Variants in TM2D1 observed in about 807,000 individuals in gnomAD.
The protein encoded by TM2D1 is TM2 domain-containing protein 1.
Under a neutral mutation model 28.4 loss-of-function variants are expected in TM2D1, and 15 were observed. The ratio of observed to expected loss-of-function variants is 0.53; its 90% CI spans 0.35 to 0.81. TM2D1 has a LOEUF of 0.81. Among genes scored for constraint, TM2D1 ranks in the 40% least tolerant of loss-of-function variants. TM2D1 has a pLI of 0.01. For synonymous variants in TM2D1, 93 were observed against 96.2 expected, an observed-to-expected ratio of 0.97 and a Z score of 0.20; for missense variants, 236 against 254.9, an observed-to-expected ratio of 0.93 and a Z score of 0.50.
intron 5 of TM2D1, chr1:61,686,887 C>T (rs962096893): frequency 1.2e-5 from 11 of 945,260 alleles, no homozygotes; most frequent in Non-Finnish European, 1.3e-5. Context: ...CACGCCACTG[C>T]ACTCCAGCCT....
intron 4 of TM2D1, chr1:61,699,616 T>C (rs1198844599): frequency 6.6e-6 from 1 of 152,320 alleles, no homozygotes; most frequent in African/African-American, 2.4e-5. Context: ...CTTTTCATCC[T>C]TCAAACCCTA....
chr1:61,691,932 A>AAATAT, intron 5 of TM2D1, among the ~76,000 whole-genome samples: 22 of 76,406 alleles, frequency 2.9e-4, no homozygotes, highest in African/African-American at 6.1e-4. Flanking sequence ...AAAAAAAAAA[A>AAATAT]ATATATATAT....
At chr1:61,687,339 T>C (rs1644291623) in intron 5 of TM2D1, among the ~76,000 whole-genome samples, 1 of 152,242 alleles carries the variant, frequency 6.6e-6, no homozygotes, top group African/African-American at 2.4e-5. Context: ...GTGACAGTTG[T>C]AAAATATTCT....
At chr1:61,714,569 T>A (rs776210225) in intron 2 of TM2D1, among the ~76,000 whole-genome samples, 2 of 152,112 alleles carry the variant, frequency 1.3e-5, no homozygotes, top group Non-Finnish European at 2.9e-5. Flanking sequence ...TTTCTTTCGC[T>A]TTATTTTTGT....
intron 3 of TM2D1, among the ~76,000 whole-genome samples, chr1:61,708,257 C>A (rs1466848615): frequency 6.6e-6 from 1 of 152,086 alleles, no homozygotes; most frequent in African/African-American, 2.4e-5. Context: ...CTACTTTGCC[C>A]AGGTTGGTCC....
At chr1:61,701,556 C>CGTGTGTGTGTGTGTGTGTGT (rs60257971) in intron 3 of TM2D1, among the ~76,000 whole-genome samples, 3 of 145,842 alleles carry the variant, frequency 2.1e-5, no homozygotes, top group African/African-American at 7.6e-5. Context: ...AATTCTCTTT[C>CGTGTGTGTGTGTGTGTGTGT]GTGTGTGTGT....
At chr1:61,683,664 C>T (rs925598642) in intron 5 of TM2D1, 118 bp from the exon 6 acceptor site, 1 of 554,186 alleles carries the variant, frequency 1.8e-6, no homozygotes, top group Admixed American at 4.2e-5. Flanking sequence ...CCAGCTCTAA[C>T]CTAAGCAAAA....
intron 1 of TM2D1, 91 bp downstream of exon 1, chr1:61,724,866 G>GTACA (rs779905497): frequency 5.9e-6 from 8 of 1,367,268 alleles, no homozygotes; most frequent in African/African-American, 1.5e-5. Flanking sequence ...TTTTCACTCA[G>GTACA]TACAGCCCTA....
rs145656678 is a variant in TM2D1, at chr1:61,714,539, C to T, written c.239-5102G>A. ...CTGGGTGACACAGCAAGACTCTGTC[C>T]AAAAAAAACTAAAGAGCCCTTTCTT... On this transcript the variant is annotated intron_variant, in intron 2 of 6. Transcript: ENST00000606498. Among the ~76,000 whole-genome samples, 663 of 151,352 alleles carry T rather than the reference C, an allele frequency of 4.4e-3. 8 individuals carry two copies. Among genetic ancestry groups the T allele is most frequent in the African/African-American group, 0.015 (626 of 41,270 alleles).
chr1:61,705,461 C>G (rs886907921), intron 3 of TM2D1, among the ~76,000 whole-genome samples: 9 of 152,176 alleles, frequency 5.9e-5, no homozygotes, highest in African/African-American at 2.2e-4. Context: ...GCTGGGATTA[C>G]AGGAGTGAGC....
intron 4 of TM2D1, chr1:61,700,333 G>T: frequency 7.2e-7 from 1 of 1,388,876 alleles, no homozygotes; most frequent in Non-Finnish European, 9.3e-7. Flanking sequence ...CTTCAATAAG[G>T]GCAGGCATGT....
intron 2 of TM2D1, among the ~76,000 whole-genome samples, chr1:61,712,708 G>C (rs1056174670): frequency 6.6e-6 from 1 of 152,044 alleles, no homozygotes; most frequent in Non-Finnish European, 1.5e-5. Context: ...ACCGTACCCA[G>C]CCTCCAGTAT....
intron 4 of TM2D1, chr1:61,700,151 T>G (rs754420299): frequency 2.3e-5 from 35 of 1,508,118 alleles, no homozygotes; most frequent in African/African-American, 4.3e-5. Flanking sequence ...TGGGTAAATC[T>G]CTTAATCTCG....
At chr1:61,711,625 C>CAA (rs963521750) in intron 2 of TM2D1, among the ~76,000 whole-genome samples, 4,382 of 118,346 alleles carry the variant, frequency 0.037, 216 homozygotes, top group African/African-American at 0.11. Context: ...GAGACCGTCT[C>CAA]AAAAAAAAAA....
chr1:61,722,798 A>AGTTAC (rs1644578087), intron 2 of TM2D1, among the ~76,000 whole-genome samples: 2 of 152,270 alleles, frequency 1.3e-5, no homozygotes, highest in Admixed American at 1.3e-4. Context: ...ACACATAAAG[A>AGTTAC]AGAGTTAGTT....
intron 3 of TM2D1, among the ~76,000 whole-genome samples, chr1:61,704,774 A>G (rs1258640403): frequency 6.6e-6 from 1 of 152,062 alleles, no homozygotes; most frequent in Non-Finnish European, 1.5e-5. Flanking sequence ...TTAAGAAAGG[A>G]AACAGCCAGG....
chr1:61,719,856 G>T (rs565272677), intron 2 of TM2D1, among the ~76,000 whole-genome samples: 2 of 152,096 alleles, frequency 1.3e-5, no homozygotes, highest in Admixed American at 6.6e-5. Flanking sequence ...TGAAACTATC[G>T]CCAAATAAAA....
chr1:61,690,414 G>A (rs1230106027), intron 5 of TM2D1, among the ~76,000 whole-genome samples: 2 of 128,166 alleles, frequency 1.6e-5, no homozygotes, highest in African/African-American at 6.1e-5. Context: ...CCGAGATTGC[G>A]CCACTGTACT....
chr1:61,709,795 T>C (rs1644464360), intron 2 of TM2D1, among the ~76,000 whole-genome samples: 1 of 152,234 alleles, frequency 6.6e-6, no homozygotes, highest in South Asian at 2.1e-4. Flanking sequence ...TTTTTGTTGG[T>C]AATATGTTGG....
Sources: allele counts gnomAD v4.1 joint callset (sites outside exome capture counted in the v4.1 genomes callset), GRCh38; gene constraint gnomAD v4.1.1; transcripts MANE v1.5; gene names NCBI Gene and HGNC (gene_info 2026-07-23, HGNC 2026-07-21).